Variants in PPP2R5B observed in about 807,000 individuals in gnomAD.
PPP2R5B encodes serine/threonine-protein phosphatase 2A 56 kDa regulatory subunit beta isoform.
PPP2R5B carries 19 observed loss-of-function variants against 59.9 expected under a neutral mutation model. The ratio of observed to expected loss-of-function variants is 0.32; its 90% confidence interval spans 0.22 to 0.47. PPP2R5B has a LOEUF of 0.47. PPP2R5B is among the 20% of genes least tolerant of loss of function. The pLI is 1.00. For synonymous variants in PPP2R5B, 286 were observed against 260.5 expected (o/e 1.10, Z -0.94); for missense variants, 441 against 640.2 (o/e 0.69, Z 3.36).
intron 2 of PPP2R5B, 110 bp from the exon 3 acceptor site, chr11:64,926,602 G>GGCCT: frequency 8.5e-7 from 1 of 1,182,894 alleles, no homozygotes; most frequent in Non-Finnish European, 1.2e-6. Context: ...AAGAGCATGG[G>GGCCT]GCCTGGGGGC....
rs184853860 is a variant in PPP2R5B, at chr11:64,927,671, C to T, written c.397-131C>T. ...GCAGTGAGTCGAGATTGTACCACTG[C>T]GCTCCAGCTTGGGCAACAGAGCGAG... On this transcript the variant is annotated intron_variant, in intron 3 of 13. Transcript: ENST00000164133. 2.1e-4 allele frequency: 148 copies of T among 697,988 alleles called. 3 individuals are homozygous for T. Among genetic ancestry groups the T allele is most frequent in the South Asian group, 2.0e-3 (108 of 54,142 alleles). 43.2% of individuals were successfully genotyped at this position (697,988 alleles called of 1,614,324 possible). A position where few individuals can be genotyped will look rare whatever the true frequency, so the allele number is the denominator to read the frequency against.
chr11:64,921,355 T>C (rs1024154256), upstream of PPP2R5B, among the ~76,000 whole-genome samples: 1 of 151,864 alleles, frequency 6.6e-6, no homozygotes, highest in Admixed American at 6.6e-5. Flanking sequence ...CAGGGGAAGT[T>C]TGGGGTCAGG....
chr11:64,920,055 G>A (rs539832751), upstream of PPP2R5B, among the ~76,000 whole-genome samples: 4 of 151,428 alleles, frequency 2.6e-5, no homozygotes, highest in Non-Finnish European at 2.9e-5. Flanking sequence ...AGAGGTTGCC[G>A]TGAGCTGAGA....
At position 64,933,138 on chromosome 11, in the gene PPP2R5B, T is replaced by G; in HGVS notation, c.1245-7T>G. ...TCATCTCCTCATCCCTCCTTGACAC[T>G]GCCAAGAACCATCGTATCACTGATC... On this transcript the variant is annotated splice_region_variant and splice_polypyrimidine_tract_variant and intron_variant, in intron 12 of 13. Coordinates refer to ENST00000164133, the MANE Select transcript of PPP2R5B (RefSeq NM_006244.4). The G allele has an allele frequency of 6.2e-7, 1 of 1,604,722 alleles. No homozygotes were observed. Among genetic ancestry groups the G allele is most frequent in the Non-Finnish European group, 8.5e-7 (1 of 1,171,804 alleles).
Position 64,930,606 on chromosome 11 carries a change from T to C in PPP2R5B, c.891+17T>C. 1 of 1,601,652 alleles carries C rather than the reference T, an allele frequency of 6.2e-7. No individual in the cohort carries two copies. On this transcript the variant is annotated intron_variant, in intron 8 of 13. Transcript: ENST00000164133. ...CATGCCCAGGTGAGGCCCAGGCCTG[T>C]CCCTGCTGCAGCAGGAGCTCCAGAC... is the stretch of plus-strand genomic sequence containing the variant.
At position 64,928,360 on chromosome 11, in the gene PPP2R5B, G is replaced by A; in HGVS notation, c.657G>A (p.Arg219=). 6.2e-7 allele frequency: 1 copy of A among 1,614,198 alleles called. No individual in the cohort carries two copies. Among genetic ancestry groups the A allele is most frequent in the Non-Finnish European group, 8.5e-7 (1 of 1,180,026 alleles). Residue 219 remains arginine, a synonymous_variant, in exon 6 of 14, where the codon CGG becomes CGA. Coordinates refer to ENST00000164133, the MANE Select transcript of PPP2R5B (RefSeq NM_006244.4). The part of the protein sequence containing the change: ...EREYLKTILH[R]VYGKFLGLRA... ...AGTACCTCAAGACCATCCTGCACCG[G>A]GTCTATGGCAAGTTCCTGGGTCTCC...
Position 64,934,355 on chromosome 11 carries a change from A to C in PPP2R5B, c.*511A>C. On this transcript the variant is annotated 3_prime_UTR_variant, in exon 14 of 14. Coordinates refer to ENST00000164133, the MANE Select transcript of PPP2R5B (RefSeq NM_006244.4). ...CCCTTTTTATTTATTGGGCAGGGGG[A>C]GGGGGAGGGCACAGGCAAGAAGAGA... The C allele has an allele frequency of 3.9e-6, 1 of 256,680 alleles. No homozygotes were observed. The highest frequency in any genetic ancestry group is 7.5e-6 in the Non-Finnish European group (1 of 133,138). The allele number at this position is 256,680 out of a possible 1,614,324, so 15.9% of individuals were successfully genotyped here. A position where few individuals can be genotyped will look rare whatever the true frequency, so the allele number is the denominator to read the frequency against.
At chr11:64,919,345 A>G (rs1945090651) in intron 1 of PPP2R5B, among the ~76,000 whole-genome samples, 1 of 148,452 alleles carries the variant, frequency 6.7e-6, no homozygotes, top group Admixed American at 6.7e-5. Context: ...TCTGTCTCAA[A>G]AAAAAAAAAA....
At chr11:64,926,270 C>G (rs549815127) in intron 2 of PPP2R5B, among the ~76,000 whole-genome samples, 1 of 152,342 alleles carries the variant, frequency 6.6e-6, no homozygotes, top group Non-Finnish European at 1.5e-5. Flanking sequence ...GCAGGGTTCC[C>G]TGGGATCACC....
In PPP2R5B at chr11:64,931,234, C is replaced by G; in HGVS notation, c.892-202C>G. ...AAGATGAGTTTGTTGACTGTCCCCA[C>G]TCCCCGCGAGATCAGAGTTGTATTC... On this transcript the variant is annotated intron_variant, in intron 8 of 13. Transcript: ENST00000164133. This position sits in a 1 kb window ranked among gnomAD's most constrained non-coding sequence, Gnocchi z 5.0. Among the ~76,000 whole-genome samples, 1 of 152,210 alleles carries G rather than the reference C, an allele frequency of 6.6e-6. No individual in the cohort carries two copies. The highest frequency in any genetic ancestry group is 1.9e-4 in the East Asian group (1 of 5,204).
Position 64,925,749 on chromosome 11 carries a change from G to GC in PPP2R5B, c.20dup (p.Ala8CysfsTer6). The GC allele has an allele frequency of 1.3e-6, 2 of 1,591,400 alleles. No individual in the cohort carries two copies. Among genetic ancestry groups the GC allele is most frequent in the Non-Finnish European group, 1.7e-6 (2 of 1,166,184 alleles). The stretch of plus-strand genomic sequence containing the variant: ...GCCTGACCGCCATGGAGACGAAGCT[G>GC]CCCCCTGCAAGCACCCCCACTAGCC... On this transcript the variant is annotated frameshift_variant, in exon 2 of 14. Coordinates refer to ENST00000164133, the MANE Select transcript of PPP2R5B (RefSeq NM_006244.4). LOFTEE classifies it high-confidence loss of function. This position sits in a 1 kb window ranked among gnomAD's most constrained non-coding sequence, Gnocchi z 4.6.
chr11:64,926,822 C>T lies in PPP2R5B; in HGVS notation c.310C>T (p.Arg104Trp), dbSNP rs1945169511. ...VADLKGKEVK[R>W]AALNELVECV... ...CGACCTCAAGGGGAAGGAGGTGAAG[C>T]GGGCAGCCCTCAACGAGCTGGTGGA... Residue 104 changes from arginine (R) to tryptophan (W), a missense_variant, in exon 3 of 14, where the codon CGG (arginine) becomes TGG (tryptophan). Arg to Trp is a moderately radical substitution (Grantham distance 101). Coordinates refer to ENST00000164133, the MANE Select transcript of PPP2R5B (RefSeq NM_006244.4). 6 of 1,614,054 alleles carry T rather than the reference C, an allele frequency of 3.7e-6. No individual in the cohort carries two copies. Among genetic ancestry groups the T allele is most frequent in the South Asian group, 2.2e-5 (2 of 91,092 alleles).
At position 64,931,734 on chromosome 11, in the gene PPP2R5B, C is replaced by T. The variant is rs890918249; in HGVS notation, c.997-15C>T. On this transcript the variant is annotated splice_polypyrimidine_tract_variant and intron_variant, in intron 10 of 13. Coordinates refer to ENST00000164133, the MANE Select transcript of PPP2R5B (RefSeq NM_006244.4). The surrounding 1 kb of genome is among the most constrained non-coding windows in gnomAD (Gnocchi z 5.0). Reference sequence around the variant, plus strand: ...GCTGCCCCTCTGTCCCTACTCCCCTCCCCAACCCACCCAGGTGATGTTTCT... The same window carrying T: ...GCTGCCCCTCTGTCCCTACTCCCCTTCCCAACCCACCCAGGTGATGTTTCT... The T allele has an allele frequency of 9.3e-6, 15 of 1,612,730 alleles. No individual in the cohort carries two copies. Among genetic ancestry groups the T allele is most frequent in the Non-Finnish European group, 1.2e-5 (14 of 1,178,994 alleles).
At chr11:64,923,445 G>A (rs1025242898), upstream of PPP2R5B, among the ~76,000 whole-genome samples, 3 of 152,210 alleles carry the variant, frequency 2.0e-5, no homozygotes, top group Non-Finnish European at 2.9e-5. Flanking sequence ...GACACCAAGG[G>A]CCGGATGGGC....
At chr11:64,919,204 G>T (rs1945088319) in intron 1 of PPP2R5B, among the ~76,000 whole-genome samples, 1 of 152,166 alleles carries the variant, frequency 6.6e-6, no homozygotes. Context: ...TTAGCAGAGT[G>T]TGATGGCGGG....
intron 6 of PPP2R5B, among the ~76,000 whole-genome samples, chr11:64,928,740 C>T (rs528978039): frequency 1.3e-3 from 197 of 152,272 alleles, no homozygotes; most frequent in African/African-American, 4.4e-3. Flanking sequence ...AAAAATTAGC[C>T]GGGCGCGGTG....
In PPP2R5B at chr11:64,925,418, G is replaced by A; in HGVS notation, c.-264-53G>A. On this transcript the variant is annotated intron_variant, in intron 1 of 13. Coordinates refer to ENST00000164133, the MANE Select transcript of PPP2R5B (RefSeq NM_006244.4). This position sits in a 1 kb window ranked among gnomAD's most constrained non-coding sequence, Gnocchi z 4.6. Reference sequence around the variant, plus strand: ...CCCGGCTCTCCTGAGGAACTGATGGGCTTTCTCTGTCTCTTTCTTGCTGAT... The same window carrying A: ...CCCGGCTCTCCTGAGGAACTGATGGACTTTCTCTGTCTCTTTCTTGCTGAT... 3.6e-6 allele frequency: 1 copy of A among 281,470 alleles called. No homozygotes were observed. Among genetic ancestry groups the A allele is most frequent in the South Asian group, 4.0e-5 (1 of 24,930 alleles). 17.4% of individuals were successfully genotyped at this position (281,470 alleles called of 1,614,324 possible).
chr11:64,925,626 A>G lies in PPP2R5B; in HGVS notation c.-109A>G. 1 of 297,266 alleles carries G rather than the reference A, an allele frequency of 3.4e-6. No individual in the cohort carries two copies. Among genetic ancestry groups the G allele is most frequent in the Non-Finnish European group, 5.8e-6 (1 of 171,080 alleles). The allele number at this position is 297,266 out of a possible 1,614,324, so 18.4% of individuals were successfully genotyped here. On this transcript the variant is annotated 5_prime_UTR_variant, in exon 2 of 14. Coordinates refer to ENST00000164133, the MANE Select transcript of PPP2R5B (RefSeq NM_006244.4). The surrounding 1 kb of genome is among the most constrained non-coding windows in gnomAD (Gnocchi z 4.6). ...GGACTGTGGTTGTGCCCCCCCCCCA[A>G]AGGCCGGACAGGATGGGACCAAGTT...
rs766146263 is a variant in PPP2R5B at position 64,928,173 on chromosome 11, C to A, written c.591+15C>A. 1 of 1,614,036 alleles carries A rather than the reference C, an allele frequency of 6.2e-7. No individual in the cohort carries two copies. The highest frequency in any genetic ancestry group is 1.1e-5 in the South Asian group (1 of 91,074). On this transcript the variant is annotated intron_variant, in intron 5 of 13. Coordinates refer to ENST00000164133, the MANE Select transcript of PPP2R5B (RefSeq NM_006244.4). ...TTGTCCTGATGGTGAAGTGGGGAGC[C>A]CAGGCTGGGTGGTACCACAAGGCAG...
Sources: gnomAD v4.1 joint callset for allele counts (sites outside exome capture counted in the v4.1 genomes callset) on GRCh38, gnomAD v4.1.1 for gene constraint, Gnocchi (gnomAD v3.1) non-coding constraint, MANE v1.5 for transcripts, NCBI Gene and HGNC (gene_info 2026-07-23, HGNC 2026-07-21) for gene names.